SLC6A4: variants seen among roughly 807,000 people sequenced by gnomAD.
SLC6A4 encodes the protein solute carrier family 6 member 4.
In SLC6A4, 22 loss-of-function variants were observed where a neutral mutation model predicts 73.4. That is an observed-to-expected ratio of 0.30 (90% CI 0.21 to 0.43). The LOEUF is 0.43. Ranked by LOEUF, SLC6A4 falls within the 20% of genes least tolerant of loss-of-function variation. SLC6A4 has a pLI of 1.00. For missense variants in SLC6A4, 593 were observed against 808.5 expected (o/e 0.73, Z 3.23); for synonymous variants, 270 against 315.5 (o/e 0.86, Z 1.53).
chr17:30,228,924 T>C (rs1225560244), intron 1 of SLC6A4, among the ~76,000 whole-genome samples: 1 of 152,234 alleles, frequency 6.6e-6, no homozygotes, highest in African/African-American at 2.4e-5. Context: ...GCACGCCCTG[T>C]ACAGCTCTCA....
chr17:30,212,028 T>C (rs1268248120), intron 9 of SLC6A4, among the ~76,000 whole-genome samples: 1 of 152,154 alleles, frequency 6.6e-6, no homozygotes, highest in African/African-American at 2.4e-5. Flanking sequence ...AACATGCTTG[T>C]AACAAGAAGG....
chr17:30,212,737 T>C lies in SLC6A4; in HGVS notation c.1204+3A>G, dbSNP rs1321805026. ...GGGACCTGCATAGAACCCGAGGTCC[T>C]ACCTGCGTCTTTGGCCACCTCAGAC... On this transcript the variant is annotated splice_donor_region_variant and intron_variant, in intron 9 of 14. Transcript: ENST00000650711. 2 of 1,614,058 alleles carry C rather than the reference T, an allele frequency of 1.2e-6. No homozygotes were observed. The highest frequency in any genetic ancestry group is 1.7e-6 in the Non-Finnish European group (2 of 1,179,988).
chr17:30,210,359 C>T (rs899406318), intron 11 of SLC6A4, among the ~76,000 whole-genome samples, 156 bp downstream of exon 11: 1 of 152,198 alleles, frequency 6.6e-6, no homozygotes, highest in Non-Finnish European at 1.5e-5. Flanking sequence ...AACTTTTCTT[C>T]TCCTTGATGA....
intron 12 of SLC6A4, 43 bp downstream of exon 12, chr17:30,209,100 G>C: frequency 7.3e-7 from 1 of 1,376,520 alleles, no homozygotes; most frequent in South Asian, 1.2e-5. Flanking sequence ...TGTGCTGGCT[G>C]ATGGTGTAGA....
chr17:30,223,016 A>T (rs1906819136), intron 1 of SLC6A4, 101 bp from the exon 2 acceptor site: 1 of 407,448 alleles, frequency 2.5e-6, no homozygotes, highest in Non-Finnish European at 4.9e-6. Context: ...CTGTGCCTTC[A>T]TTTCACCGCC....
rs114114454 is a variant in SLC6A4 at position 30,210,149 on chromosome 17, C to T, written c.1449+366G>A. Among the ~76,000 whole-genome samples, 1,265 of 151,432 alleles carry T rather than the reference C, an allele frequency of 8.4e-3. 17 individuals carry two copies. The highest frequency in any genetic ancestry group is 0.028 in the African/African-American group (1,173 of 41,210). ...ATTGCAAATTCTGGAGGAGACCAAG[C>T]GGCATTACACACATGACGTGAAGAA... is the stretch of plus-strand genomic sequence containing the variant. On this transcript the variant is annotated intron_variant, in intron 11 of 14. Coordinates refer to ENST00000650711, the MANE Select transcript of SLC6A4 (RefSeq NM_001045.6).
In SLC6A4 at chr17:30,211,990, C is replaced by T. The variant is rs758156969; in HGVS notation, c.1205-566G>A. Among the ~76,000 whole-genome samples the T allele has an allele frequency of 8.6e-5, 13 of 151,986 alleles. No individual in the cohort carries two copies. The highest frequency in any genetic ancestry group is 1.6e-4 in the Non-Finnish European group (11 of 67,988). ...TGGGGTATGGGGTTGGTCAAAGCACCGAATCAGGCCAAAGATACAAGCATG... is the reference window on the plus strand; with the variant it reads ...TGGGGTATGGGGTTGGTCAAAGCACTGAATCAGGCCAAAGATACAAGCATG... On this transcript the variant is annotated intron_variant, in intron 9 of 14. Coordinates refer to ENST00000650711, the MANE Select transcript of SLC6A4 (RefSeq NM_001045.6). The surrounding 1 kb of genome is among the most constrained non-coding windows in gnomAD (Gnocchi z 4.0).
intron 13 of SLC6A4, among the ~76,000 whole-genome samples, chr17:30,206,856 G>A (rs905612562): frequency 6.7e-6 from 1 of 150,290 alleles, no homozygotes; most frequent in Non-Finnish European, 1.5e-5. Context: ...GTAGCACCTA[G>A]TACCATGCCC....
Position 30,210,600 on chromosome 17 carries a change from G to A in SLC6A4, c.1364C>T (p.Pro455Leu). 6.2e-7 allele frequency: 1 copy of A among 1,613,728 alleles called. No individual in the cohort carries two copies. Residue 455 changes from proline (P) to leucine (L), a missense_variant, in exon 11 of 15, where the codon CCA (proline) becomes CTA (leucine). By Grantham distance (98) the Pro-to-Leu change is moderately conservative. Coordinates refer to ENST00000650711, the MANE Select transcript of SLC6A4 (RefSeq NM_001045.6). ...GVITAVLDEF[P>L]HVWAKRRERF... The stretch of plus-strand genomic sequence containing the variant: ...CTCCCGGCGCTTGGCCCAGACGTGT[G>A]GGAACTCATCCAGCACAGCCGTGAT...
intron 14 of SLC6A4, among the ~76,000 whole-genome samples, chr17:30,201,665 C>T (rs1327204205): frequency 6.6e-6 from 1 of 152,134 alleles, no homozygotes; most frequent in Non-Finnish European, 1.5e-5. Flanking sequence ...GGAAGCAGCA[C>T]GGGACCCAAG....
chr17:30,204,178 GC>G (rs1906119902), intron 13 of SLC6A4: 2 of 152,180 alleles, frequency 1.3e-5, no homozygotes, highest in African/African-American at 4.8e-5. Context: ...TCCAGATTTT[GC>G]CTAGTAACCA....
intron 1 of SLC6A4, among the ~76,000 whole-genome samples, chr17:30,225,651 G>A (rs1906902433): frequency 6.6e-6 from 1 of 152,166 alleles, no homozygotes; most frequent in African/African-American, 2.4e-5. Flanking sequence ...GCCTTCCTTT[G>A]CATCTTGGAT....
chr17:30,230,081 GAAGAA>G (rs1907047324), intron 1 of SLC6A4, among the ~76,000 whole-genome samples: 2 of 124,262 alleles, frequency 1.6e-5, no homozygotes, highest in African/African-American at 8.1e-5. Context: ...AGAAGAAGAA[GAAGAA>G]GAAGAAGAAG....
Position 30,203,199 on chromosome 17 carries a change from C to A in SLC6A4, c.1791G>T (p.Leu597Phe), listed in dbSNP as rs762463325. The A allele has an allele frequency of 1.9e-6, 3 of 1,613,966 alleles. No individual in the cohort carries two copies. The South Asian group carries it at 3.3e-5, about 18-fold the overall frequency. ...CTTTAAATGTCCCTGGAGTGATGAT[C>A]AACCGATAAGCTATATATGTGGGGA... ...ICIPTYIAYR[L>F]IITPGTFKER... is the part of the protein sequence containing the mutation. The change falls in exon 14 of 15, where the codon TTG (leucine) becomes TTT (phenylalanine). Residue 597 changes from leucine to phenylalanine, a missense_variant. Physicochemically the swap from Leu to Phe is conservative, Grantham distance 22. Coordinates refer to ENST00000650711, the MANE Select transcript of SLC6A4 (RefSeq NM_001045.6).
chr17:30,218,046 CT>C, intron 5 of SLC6A4, 71 bp downstream of exon 5: 1 of 1,273,148 alleles, frequency 7.9e-7, no homozygotes, highest in Admixed American at 1.8e-5. Flanking sequence ...CCCTGGCCTT[CT>C]TTTTAAGAAG....
rs752038609 is a variant in SLC6A4 at position 30,215,697 on chromosome 17, G to A, written c.990C>T (p.Ala330=). Residue 330 remains alanine (A), a synonymous_variant, in exon 8 of 15, where the codon GCC becomes GCT. Coordinates refer to ENST00000650711, the MANE Select transcript of SLC6A4 (RefSeq NM_001045.6). ...GACCAAGAGAGAAGAAGATCTGAGC[G>A]GCTGCATCTATCCACACCTGGAACA... The part of the protein sequence containing the change: ...LLETGVWIDA[A]AQIFFSLGPG... The A allele has an allele frequency of 1.2e-5, 19 of 1,613,796 alleles. No homozygotes were observed. Among genetic ancestry groups the A allele is most frequent in the East Asian group, 2.2e-5 (1 of 44,862 alleles).
At chr17:30,229,781 G>A (rs62068667) in intron 1 of SLC6A4, among the ~76,000 whole-genome samples, 1 of 151,890 alleles carries the variant, frequency 6.6e-6, no homozygotes, top group South Asian at 2.1e-4. Context: ...AGCACTTTGG[G>A]AGGCCAAGGT....
In SLC6A4 at chr17:30,195,701, T is replaced by C. The variant is rs1431354595; in HGVS notation, c.*2755A>G. On this transcript the variant is annotated 3_prime_UTR_variant, in exon 15 of 15. Transcript: ENST00000650711. ...CATTATCTGACCTTTAAAATATTAT[T>C]ATCATTAAAATTTAGAGACAGTTAA... 6.6e-6 allele frequency: 1 copy of C among 152,116 alleles called. No individual in the cohort carries two copies. Among genetic ancestry groups the C allele is most frequent in the Non-Finnish European group, 1.5e-5 (1 of 68,040 alleles). The allele number at this position is 152,116 out of a possible 1,614,324, so 9.4% of individuals were successfully genotyped here.
chr17:30,200,590 A>T (rs1204955953), intron 14 of SLC6A4, among the ~76,000 whole-genome samples: 1 of 152,206 alleles, frequency 6.6e-6, no homozygotes, highest in Non-Finnish European at 1.5e-5. Context: ...AAAGGATTTT[A>T]TATGAGGCTT....
Sources: allele counts gnomAD v4.1 joint callset (sites outside exome capture counted in the v4.1 genomes callset), GRCh38; gene constraint gnomAD v4.1.1; non-coding constraint Gnocchi (gnomAD v3.1); transcripts MANE v1.5; gene names NCBI Gene and HGNC (gene_info 2026-07-23, HGNC 2026-07-21).